Variants in SPAG16 observed in about 807,000 individuals in gnomAD.
The protein encoded by SPAG16 is sperm-associated antigen 16 protein.
Under a neutral mutation model 80.4 loss-of-function variants are expected in SPAG16, and 86 were observed. The observed-to-expected ratio is 1.07, with a 90% CI of 0.90 to 1.28. SPAG16 has a LOEUF of 1.28. Among genes scored for constraint, SPAG16 ranks in the 50% most tolerant of loss-of-function variants. The pLI is 0.00. For missense variants in SPAG16, 870 were observed against 765.3 expected, an observed-to-expected ratio of 1.14 and a Z score of -1.61; for synonymous variants, 294 against 265.9, an observed-to-expected ratio of 1.11 and a Z score of -1.03.
At chr2:214,096,937 A>AT (rs566369093) in intron 13 of SPAG16, among the ~76,000 whole-genome samples, 107 of 152,162 alleles carry the variant, frequency 7.0e-4, no homozygotes, top group South Asian at 3.3e-3. Context: ...AATGGAATAT[A>AT]TTTTTTAACA....
At chr2:214,285,996 T>G (rs1370865453) in intron 15 of SPAG16, among the ~76,000 whole-genome samples, 2 of 152,198 alleles carry the variant, frequency 1.3e-5, no homozygotes, top group African/African-American at 2.4e-5. Context: ...TTATGATTTT[T>G]GGAAATATGT....
chr2:213,436,918 T>G (rs1187897689), intron 9 of SPAG16, among the ~76,000 whole-genome samples: 1 of 152,096 alleles, frequency 6.6e-6, no homozygotes, highest in East Asian at 1.9e-4. Flanking sequence ...AAACTCTTTT[T>G]TTTTTTTCTT....
At chr2:213,892,964 G>T (rs753554912) in intron 11 of SPAG16, among the ~76,000 whole-genome samples, 1 of 152,010 alleles carries the variant, frequency 6.6e-6, no homozygotes. Context: ...ACACATAGGC[G>T]AACAACATCA....
At chr2:213,370,090 T>G (rs2066548905) in intron 8 of SPAG16, among the ~76,000 whole-genome samples, 1 of 152,216 alleles carries the variant, frequency 6.6e-6, no homozygotes, top group Non-Finnish European at 1.5e-5. Flanking sequence ...TATTTTATGT[T>G]AAAGTAGTAT....
At chr2:214,031,899 G>A (rs1301766931) in intron 13 of SPAG16, among the ~76,000 whole-genome samples, 1 of 151,990 alleles carries the variant, frequency 6.6e-6, no homozygotes, top group Non-Finnish European at 1.5e-5. Flanking sequence ...TAGAACCAAG[G>A]GGGAAATCTG....
At chr2:213,537,372 C>G (rs2076288370) in intron 10 of SPAG16, among the ~76,000 whole-genome samples, 1 of 151,514 alleles carries the variant, frequency 6.6e-6, no homozygotes, top group African/African-American at 2.4e-5. Context: ...AATGATTGAA[C>G]TTTAAATATA....
At chr2:213,457,092 C>G (rs1306107497) in intron 9 of SPAG16, among the ~76,000 whole-genome samples, 1 of 151,634 alleles carries the variant, frequency 6.6e-6, no homozygotes. Flanking sequence ...TTGGCCTTTT[C>G]TCCCAGAAAT....
At chr2:213,447,347 C>T (rs568925151) in intron 9 of SPAG16, among the ~76,000 whole-genome samples, 7 of 152,298 alleles carry the variant, frequency 4.6e-5, no homozygotes, top group African/African-American at 1.4e-4. Context: ...CCCAGAACTT[C>T]GGAAACTGGC....
chr2:213,986,005 G>T (rs2045981955), intron 12 of SPAG16, among the ~76,000 whole-genome samples: 1 of 151,942 alleles, frequency 6.6e-6, no homozygotes, highest in African/African-American at 2.4e-5. Context: ...GTTGTTTTTT[G>T]CACTGTGATG....
chr2:214,270,567 A>G (rs543360717), intron 15 of SPAG16, among the ~76,000 whole-genome samples: 1 of 152,240 alleles, frequency 6.6e-6, no homozygotes, highest in African/African-American at 2.4e-5. Context: ...TACATGTCCA[A>G]CTTTACCTTC....
chr2:214,339,315 G>T (rs1481451763), intron 15 of SPAG16, among the ~76,000 whole-genome samples: 10 of 151,802 alleles, frequency 6.6e-5, no homozygotes, highest in Admixed American at 4.6e-4. Flanking sequence ...ATCTCTTGTT[G>T]GTCTATAATC....
At chr2:214,331,531 C>T (rs547640928) in intron 15 of SPAG16, among the ~76,000 whole-genome samples, 33 of 152,292 alleles carry the variant, frequency 2.2e-4, no homozygotes, top group Non-Finnish European at 1.0e-4. Context: ...TTGGGAAGTA[C>T]GTAAAGCTAC....
At chr2:213,630,394 A>AG (rs1279202968) in intron 10 of SPAG16, among the ~76,000 whole-genome samples, 1 of 152,140 alleles carries the variant, frequency 6.6e-6, no homozygotes, top group East Asian at 1.9e-4. Context: ...AAAAAAAAAA[A>AG]AAAAGATGTT....
chr2:214,288,845 T>C (rs1693581621), intron 15 of SPAG16, among the ~76,000 whole-genome samples: 1 of 151,948 alleles, frequency 6.6e-6, no homozygotes, highest in Non-Finnish European at 1.5e-5. Flanking sequence ...CTCAGCTCAC[T>C]GCAAGCTCAG....
At chr2:213,740,817 A>G (rs1354445609) in intron 10 of SPAG16, among the ~76,000 whole-genome samples, 1 of 152,224 alleles carries the variant, frequency 6.6e-6, no homozygotes, top group Non-Finnish European at 1.5e-5. Context: ...ATGGACAAAG[A>G]AAGACCAATT....
intron 5 of SPAG16, 67 bp downstream of exon 5, chr2:213,317,423 C>G (rs2063444723): frequency 6.6e-7 from 1 of 1,521,512 alleles, no homozygotes; most frequent in Admixed American, 2.0e-5. Context: ...TTGAGTGAAG[C>G]TGATATATGT....
intron 15 of SPAG16, 105 bp from the exon 16 acceptor site, chr2:214,410,035 G>A (rs1702211335): frequency 7.8e-7 from 1 of 1,285,570 alleles, no homozygotes; most frequent in Non-Finnish European, 1.1e-6. Flanking sequence ...CCCTAACACA[G>A]AATGATAATT....
chr2:213,588,618 A>C (rs1335931736), intron 10 of SPAG16, among the ~76,000 whole-genome samples: 2 of 150,490 alleles, frequency 1.3e-5, no homozygotes, highest in Non-Finnish European at 3.0e-5. Flanking sequence ...CTGGCTAACA[A>C]GGTGAAACCC....
At chr2:213,768,536 G>T (rs1017974640) in intron 10 of SPAG16, among the ~76,000 whole-genome samples, 2 of 152,156 alleles carry the variant, frequency 1.3e-5, no homozygotes, top group Non-Finnish European at 1.5e-5. Context: ...ACAGGTGACT[G>T]GGTATGGAAG....
Sources: allele counts gnomAD v4.1 joint callset (sites outside exome capture counted in the v4.1 genomes callset), GRCh38; gene constraint gnomAD v4.1.1; transcripts MANE v1.5; gene names NCBI Gene and HGNC (gene_info 2026-07-23, HGNC 2026-07-21).